The following CDH18 variants were observed in gnomAD, a reference collection of about 807,000 sequenced individuals.
CDH18 encodes cadherin-18.
CDH18 carries 31 observed loss-of-function variants against 67.9 expected under a neutral mutation model. The observed-to-expected ratio is 0.46, with a 90% CI of 0.34 to 0.62. CDH18 has a LOEUF of 0.62. CDH18 is among the 20% of genes least tolerant of loss of function. CDH18 has a pLI of 0.01. For missense variants in CDH18, 890 were observed against 975.5 expected (o/e 0.91, Z 1.17); for synonymous variants, 362 against 347.2 (o/e 1.04, Z -0.48).
chr5:19,685,074 A>G (rs1029218292), intron 5 of CDH18, among the ~76,000 whole-genome samples: 1 of 152,200 alleles, frequency 6.6e-6, no homozygotes, highest in African/African-American at 2.4e-5. Context: ...GTGCTCCATA[A>G]CTGAATCTTG....
intron 8 of CDH18, among the ~76,000 whole-genome samples, chr5:19,563,111 T>C (rs1266914422): frequency 1.3e-5 from 2 of 152,198 alleles, no homozygotes; most frequent in Admixed American, 6.5e-5. Flanking sequence ...TGAGCATTTA[T>C]AATATACATT....
chr5:20,478,323 G>A (rs1347129871), intron 1 of CDH18, among the ~76,000 whole-genome samples: 1 of 152,094 alleles, frequency 6.6e-6, no homozygotes, highest in Non-Finnish European at 1.5e-5. Flanking sequence ...TCAAGGCCTT[G>A]GTTCCAGGAT....
chr5:20,152,610 G>A (rs1004885617), intron 2 of CDH18, among the ~76,000 whole-genome samples: 3 of 151,926 alleles, frequency 2.0e-5, no homozygotes, highest in Non-Finnish European at 4.4e-5. Context: ...CTCACAGAGG[G>A]CTAATTCTGA....
chr5:20,154,795 G>A (rs1277323636), intron 2 of CDH18, among the ~76,000 whole-genome samples: 2 of 152,112 alleles, frequency 1.3e-5, no homozygotes, highest in Admixed American at 6.6e-5. Context: ...TCCTAACTGT[G>A]CTCTTCAAGT....
At chr5:19,968,847 T>A (rs1295123806) in intron 2 of CDH18, among the ~76,000 whole-genome samples, 1 of 144,858 alleles carries the variant, frequency 6.9e-6, no homozygotes, top group Non-Finnish European at 1.5e-5. Flanking sequence ...ACAAATGGGA[T>A]CTAATTAAAC....
At chr5:20,102,749 G>C in intron 2 of CDH18, among the ~76,000 whole-genome samples, 1 of 152,066 alleles carries the variant, frequency 6.6e-6, no homozygotes. Flanking sequence ...AGAAGGAGGG[G>C]CTCCTGGGAA....
At chr5:20,102,298 G>A (rs749133025) in intron 2 of CDH18, among the ~76,000 whole-genome samples, 17 of 151,360 alleles carry the variant, frequency 1.1e-4, no homozygotes, top group Non-Finnish European at 1.5e-4. Context: ...ACGGAAGTAC[G>A]TTAAGACAGT....
intron 2 of CDH18, among the ~76,000 whole-genome samples, chr5:20,184,518 G>C (rs1454178259): frequency 6.6e-6 from 1 of 152,036 alleles, no homozygotes; most frequent in Non-Finnish European, 1.5e-5. Context: ...GCATATCACT[G>C]TTTCTGTGAT....
chr5:20,283,538 A>G (rs1428163570), intron 1 of CDH18, among the ~76,000 whole-genome samples: 1 of 152,130 alleles, frequency 6.6e-6, no homozygotes, highest in African/African-American at 2.4e-5. Context: ...TGGAAAAAAA[A>G]AACTGCAATT....
At chr5:19,769,710 G>A (rs931188170) in intron 3 of CDH18, among the ~76,000 whole-genome samples, 3 of 152,112 alleles carry the variant, frequency 2.0e-5, no homozygotes, top group African/African-American at 7.2e-5. Context: ...TTGTAACTAT[G>A]ATGTCAAAAG....
chr5:19,800,272 T>G (rs1581405301), intron 3 of CDH18, among the ~76,000 whole-genome samples: 1 of 152,198 alleles, frequency 6.6e-6, no homozygotes, highest in Non-Finnish European at 1.5e-5. Flanking sequence ...TAAAGGTTAA[T>G]GGAAAATATT....
rs188263538 is a variant in CDH18, at chr5:19,471,300, G to A, written c.*1926C>T. ...GCAGCATCTGGAAAACTAAAATGTC[G>A]TAAAAAGCTTAAATTACATTTTATT... is the stretch of plus-strand genomic sequence containing the variant. On this transcript the variant is annotated 3_prime_UTR_variant, in exon 13 of 13. Transcript: ENST00000382275. 2.3e-4 allele frequency among the ~76,000 whole-genome samples: 35 copies of A among 152,128 alleles called. 1 individual carries two copies. Among genetic ancestry groups the A allele is most frequent in the East Asian group, 1.7e-3 (9 of 5,180 alleles).
At chr5:20,337,731 T>G (rs2150038119) in intron 1 of CDH18, among the ~76,000 whole-genome samples, 1 of 152,332 alleles carries the variant, frequency 6.6e-6, no homozygotes, top group South Asian at 2.1e-4. Flanking sequence ...CCTCTGCCTG[T>G]TACCCAGTTC....
At chr5:20,293,316 C>CA (rs1198310871) in intron 1 of CDH18, among the ~76,000 whole-genome samples, 5 of 151,534 alleles carry the variant, frequency 3.3e-5, no homozygotes, top group African/African-American at 7.3e-5. Flanking sequence ...GACTCCATCT[C>CA]AAAAAAACAA....
chr5:20,397,484 G>GA (rs1745386150), intron 1 of CDH18, among the ~76,000 whole-genome samples: 1 of 151,972 alleles, frequency 6.6e-6, no homozygotes, highest in South Asian at 2.1e-4. Context: ...ACTAGCCTAG[G>GA]AACTGTCCAA....
chr5:19,628,848 G>A (rs1412200324), intron 5 of CDH18, among the ~76,000 whole-genome samples: 2 of 151,812 alleles, frequency 1.3e-5, no homozygotes, highest in Admixed American at 1.3e-4. Context: ...ATAGAAAGAG[G>A]CTCAAATACT....
At chr5:19,571,941 A>G (rs974908739) in intron 7 of CDH18, 109 bp from the exon 8 acceptor site, 2 of 822,196 alleles carry the variant, frequency 2.4e-6, no homozygotes, top group African/African-American at 3.5e-5. Flanking sequence ...AAAATAATTG[A>G]GAGAGAGATA....
chr5:19,932,361 A>G (rs1231072012), intron 2 of CDH18, among the ~76,000 whole-genome samples: 1 of 151,760 alleles, frequency 6.6e-6, no homozygotes. Flanking sequence ...TTTTTAAAAA[A>G]CAATCTCACT....
intron 2 of CDH18, among the ~76,000 whole-genome samples, chr5:20,002,652 C>G (rs1393306343): frequency 1.3e-5 from 2 of 152,038 alleles, no homozygotes; most frequent in African/African-American, 4.8e-5. Context: ...GTGACCACAA[C>G]AAGGATGAGA....
Sources: gnomAD v4.1 joint callset for allele counts (sites outside exome capture counted in the v4.1 genomes callset) on GRCh38, gnomAD v4.1.1 for gene constraint, MANE v1.5 for transcripts, NCBI Gene and HGNC (gene_info 2026-07-23, HGNC 2026-07-21) for gene names.